Variants in DIDO1 observed in about 807,000 individuals in gnomAD.
DIDO1 encodes the protein death inducer-obliterator 1, also known as death-inducer obliterator 1.
Under a neutral mutation model 99.4 loss-of-function variants are expected in DIDO1, and 16 were observed. The observed-to-expected ratio is 0.16, with a 90% CI of 0.11 to 0.24. The LOEUF is 0.24. Among genes scored for constraint, DIDO1 ranks in the 10% least tolerant of loss-of-function variants. The probability of loss-of-function intolerance (pLI) is 1.00; values close to 1 mark genes in which losing one functional copy is unlikely to be tolerated. For missense variants in DIDO1, 2,996 were observed against 3,014.0 expected, an observed-to-expected ratio of 0.99 and a Z score of 0.14; for synonymous variants, 1,366 against 1,239.1, an observed-to-expected ratio of 1.10 and a Z score of -2.15.
chr20:62,886,412 G>C lies in DIDO1; in HGVS notation c.3542-3998C>G, dbSNP rs148139165. Among the ~76,000 whole-genome samples the C allele has an allele frequency of 7.2e-5, 11 of 152,336 alleles. No individual in the cohort carries two copies. The East Asian group carries it at 2.1e-3, about 29-fold the overall frequency. ...TTCATGACGGAGGGGTCTGGACTCAGTGGTCAGAATCAGACCACACGCACA... is the reference window on the plus strand; with the variant it reads ...TTCATGACGGAGGGGTCTGGACTCACTGGTCAGAATCAGACCACACGCACA... On this transcript the variant is annotated intron_variant, in intron 15 of 15. Transcript: ENST00000395343.
At chr20:62,903,626 C>G (rs1174905514) in intron 6 of DIDO1, among the ~76,000 whole-genome samples, 2 of 152,208 alleles carry the variant, frequency 1.3e-5, no homozygotes, top group African/African-American at 4.8e-5. Context: ...ACCAATGTCT[C>G]TAACTCTGCT....
exon 1 of DIDO1, chr20:62,937,834 T>A (rs1390708087): frequency 2.5e-6 from 1 of 398,192 alleles, no homozygotes; most frequent in East Asian, 3.6e-5. Context: ...CCATCCCGGT[T>A]CCAGATTTCC....
rs781467719 is a variant in DIDO1, at chr20:62,911,560, G to A, written c.53C>T (p.Pro18Leu). 1 of 1,610,030 alleles carries A rather than the reference G, an allele frequency of 6.2e-7. No individual in the cohort carries two copies. Residue 18 changes from proline (P) to leucine (L), a missense_variant, in exon 3 of 16, where the codon CCC becomes CTC. This residue lies in a region of DIDO1 where 388 missense variants were observed against 376.6 expected (regional missense o/e 1.03). Coordinates refer to ENST00000395343, the MANE Select transcript of DIDO1 (RefSeq NM_001193369.2). The surrounding 1 kb of genome is among the most constrained non-coding windows in gnomAD (Gnocchi z 7.0). The stretch of plus-strand genomic sequence containing the variant: ...TGTTTTCCTGAACTCTTTGCTGGTG[G>A]GTTTGATGGCCTTAGGTGCCTCCTC... The part of the protein sequence containing the change: ...SNEEAPKAIK[P>L]TSKEFRKTWG...
rs763169157 is a variant in DIDO1 at position 62,894,084 on chromosome 20, C to G, written c.2683G>C (p.Ala895Pro). 6.2e-7 allele frequency: 1 copy of G among 1,614,224 alleles called. No homozygotes were observed. Among genetic ancestry groups the G allele is most frequent in the Admixed American group, 1.7e-5 (1 of 60,036 alleles). The change falls in exon 12 of 16, where the codon GCT becomes CCT. Residue 895 changes from alanine (A) to proline (P), a missense_variant. Physicochemically the swap from Ala to Pro is conservative, Grantham distance 27. Around this residue, in one of 5 missense-constraint regions of DIDO1, gnomAD observed 898 missense variants for 972.7 expected, o/e 0.92. Transcript: ENST00000395343. The surrounding 1 kb of genome is among the most constrained non-coding windows in gnomAD (Gnocchi z 4.4). ...SKHDSSAPDP[A>P]PDSADEVMPE... ...ATCACCTCATCAGCTGAATCCGGAG[C>G]TGGGTCAGGTGCAGAGCTGTCATGC...
intron 1 of DIDO1, among the ~76,000 whole-genome samples, chr20:62,914,747 C>T (rs550429814): frequency 1.3e-5 from 2 of 152,198 alleles, no homozygotes; most frequent in East Asian, 1.9e-4. Flanking sequence ...AGCCTATGTC[C>T]GAGATGGACC....
chr20:62,879,183 C>T lies in DIDO1; in HGVS notation c.*50G>A, dbSNP rs775216218. 9.9e-6 allele frequency: 14 copies of T among 1,415,280 alleles called. No individual in the cohort carries two copies. The South Asian group carries it at 1.9e-4, about 19-fold the overall frequency. The allele number at this position is 1,415,280 out of a possible 1,614,324, so 87.7% of individuals were successfully genotyped here. ...GCTATTTCAAAAGCTATTTGTTCAA[C>T]GCATCTTACGAACGTGGCTTTAAAA... On this transcript the variant is annotated 3_prime_UTR_variant, in exon 16 of 16. Transcript: ENST00000395343. The surrounding 1 kb of genome is among the most constrained non-coding windows in gnomAD (Gnocchi z 6.3).
intron 15 of DIDO1, chr20:62,888,778 T>C (rs1005144456): frequency 2.0e-6 from 2 of 985,312 alleles, no homozygotes; most frequent in Non-Finnish European, 2.4e-6. Context: ...GCGGGCCGAG[T>C]ACCCGATGGC....
At chr20:62,927,821 G>A (rs1752995937), upstream of DIDO1, among the ~76,000 whole-genome samples, 1 of 152,210 alleles carries the variant, frequency 6.6e-6, no homozygotes, top group African/African-American at 2.4e-5. Flanking sequence ...TTGCTGGTGT[G>A]GCCCATTAGG....
chr20:62,911,300 T>G lies in DIDO1; in HGVS notation c.313A>C (p.Thr105Pro). 1 of 1,610,298 alleles carries G rather than the reference T, an allele frequency of 6.2e-7. No homozygotes were observed. The highest frequency in any genetic ancestry group is 8.5e-7 in the Non-Finnish European group (1 of 1,179,946). Residue 105 changes from threonine (T) to proline (P), a missense_variant, in exon 3 of 16, where the codon ACA becomes CCA. Coordinates refer to ENST00000395343, the MANE Select transcript of DIDO1 (RefSeq NM_001193369.2). The surrounding 1 kb of genome is among the most constrained non-coding windows in gnomAD (Gnocchi z 7.0). ...DSGEPTSCPA[T>P]DAETASEGSV... ...CCCTCGGAGGCTGTCTCGGCGTCTG[T>G]GGCGGGGCAGGACGTGGGCTCACCA...
chr20:62,928,045 A>G (rs2065282960), upstream of DIDO1, among the ~76,000 whole-genome samples: 1 of 152,200 alleles, frequency 6.6e-6, no homozygotes, highest in African/African-American at 2.4e-5. Flanking sequence ...TGAAGACCAC[A>G]TGAGGCCTCC....
Position 62,910,009 on chromosome 20 carries a change from C to A in DIDO1, c.851G>T (p.Cys284Phe). 6.2e-7 allele frequency: 1 copy of A among 1,606,638 alleles called. No individual in the cohort carries two copies. The highest frequency in any genetic ancestry group is 8.5e-7 in the Non-Finnish European group (1 of 1,178,002). ...AAACCATTCTTCACAGCGGTCACAG[C>A]AAATCATAAACCTGAAATTATAAAA... is the stretch of plus-strand genomic sequence containing the variant. The part of the protein sequence containing the change: ...RQPHNNRFMI[C>F]CDRCEEWFHG... The change falls in exon 4 of 16, where the codon TGC becomes TTC. Residue 284 changes from cysteine to phenylalanine, a missense_variant. Coordinates refer to ENST00000395343, the MANE Select transcript of DIDO1 (RefSeq NM_001193369.2).
At chr20:62,889,192 C>G (rs116875793) in intron 15 of DIDO1, 4 of 985,562 alleles carry the variant, frequency 4.1e-6, no homozygotes, top group Non-Finnish European at 4.8e-6. Context: ...CGGTGCCATC[C>G]GGGAGGTGCT....
At chr20:62,930,206 GAAAC>G (rs1339447955), upstream of DIDO1, among the ~76,000 whole-genome samples, 1 of 133,866 alleles carries the variant, frequency 7.5e-6, no homozygotes, top group Non-Finnish European at 1.6e-5. Context: ...CCGTCTCAAA[GAAAC>G]AAACAAACAA....
At chr20:62,903,379 GGGTCTTCTGAT>G (rs1477774392) in intron 6 of DIDO1, among the ~76,000 whole-genome samples, 3 of 152,216 alleles carry the variant, frequency 2.0e-5, no homozygotes, top group Non-Finnish European at 2.9e-5. Context: ...TCCACCACGT[GGGTCTTCTGAT>G]GGTATGTGTG....
intron 15 of DIDO1, among the ~76,000 whole-genome samples, chr20:62,886,452 G>T (rs969008881): frequency 6.6e-6 from 1 of 152,218 alleles, no homozygotes; most frequent in South Asian, 2.1e-4. Context: ...AAGAACTCAA[G>T]AAACTGAAGA....
intron 8 of DIDO1, among the ~76,000 whole-genome samples, chr20:62,895,684 G>A (rs1022020250): frequency 4.6e-5 from 7 of 152,180 alleles, no homozygotes; most frequent in Admixed American, 3.9e-4. Flanking sequence ...TCAGCCCGGC[G>A]GCCTATCCCT....
At chr20:62,927,435 G>T (rs1941675476), upstream of DIDO1, among the ~76,000 whole-genome samples, 1 of 152,216 alleles carries the variant, frequency 6.6e-6, no homozygotes, top group Admixed American at 6.5e-5. Flanking sequence ...CCCAGATACT[G>T]CAGGAAAGAG....
chr20:62,889,114 G>A (rs1450014763), intron 15 of DIDO1: 1 of 985,552 alleles, frequency 1.0e-6, no homozygotes, highest in Admixed American at 6.1e-5. Context: ...GGAGCTGACA[G>A]TGTGGGTGGT....
chr20:62,890,249 G>A (rs2064370428), intron 15 of DIDO1: 10 of 985,844 alleles, frequency 1.0e-5, no homozygotes, highest in African/African-American at 1.7e-5. Flanking sequence ...CTTCAGTTGG[G>A]CATCAGATAC....
Sources: allele counts gnomAD v4.1 joint callset (sites outside exome capture counted in the v4.1 genomes callset), GRCh38; gene constraint gnomAD v4.1.1; regional missense constraint gnomAD v4.1.1; non-coding constraint Gnocchi (gnomAD v3.1); transcripts MANE v1.5; gene names NCBI Gene and HGNC (gene_info 2026-07-23, HGNC 2026-07-21).